The following GTPBP3 variants were observed in gnomAD, a reference collection of about 807,000 sequenced individuals.
GTPBP3 encodes GTP binding protein 3, mitochondrial, also known as 5-taurinomethyluridine-[tRNA] synthase subunit GTPB3, mitochondrial.
A neutral mutation model predicts 42.0 loss-of-function variants in GTPBP3; 35 were observed. The ratio of observed to expected loss-of-function variants is 0.83; its 90% CI spans 0.64 to 1.10. The LOEUF (loss-of-function observed/expected upper bound fraction) is 1.10, where lower values mean the gene tolerates loss of function less well. Among genes scored for constraint, GTPBP3 ranks in the 50% least tolerant of loss-of-function variants. GTPBP3 has a pLI of 0.00. For missense variants in GTPBP3, 691 were observed against 685.2 expected (o/e 1.01, Z -0.09); for synonymous variants, 332 against 314.9 (o/e 1.05, Z -0.58).
At position 17,341,838 on chromosome 19, in the gene GTPBP3, T is replaced by C; in HGVS notation, c.*135T>C. ...TTCTCAAATAGTGAAGCAACACAGC[T>C]GAGAGGTAGTGAGATCCCTGCAGGG... On this transcript the variant is annotated 3_prime_UTR_variant, in exon 9 of 9. Transcript: ENST00000324894. The C allele has an allele frequency of 1.4e-6, 1 of 720,650 alleles. No homozygotes were observed. The highest frequency in any genetic ancestry group is 2.8e-5 in the East Asian group (1 of 35,530). 44.6% of individuals were successfully genotyped at this position (720,650 alleles called of 1,614,324 possible). A position where few individuals can be genotyped will look rare whatever the true frequency, so the allele number is the denominator to read the frequency against.
At chr19:17,337,302 C>G (rs915653661), upstream of GTPBP3, 1 of 328,298 alleles carries the variant, frequency 3.0e-6, no homozygotes, top group Non-Finnish European at 5.4e-6. Flanking sequence ...AAACTCTGTC[C>G]TTTCTTCCAT....
rs757658311 is a variant in GTPBP3 at position 17,339,030 on chromosome 19, G to T, written c.664+4G>T. 2 of 1,614,114 alleles carry T rather than the reference G, an allele frequency of 1.2e-6. No homozygotes were observed. Among genetic ancestry groups the T allele is most frequent in the African/African-American group, 1.3e-5 (1 of 75,044 alleles). ...GAGGAGGGGGTCCTGGAGCAAGGTGGGTCTACCTGGTGGTGGGGGAGGAAG... is the reference window on the plus strand; with the variant it reads ...GAGGAGGGGGTCCTGGAGCAAGGTGTGTCTACCTGGTGGTGGGGGAGGAAG... On this transcript the variant is annotated splice_donor_region_variant and intron_variant, in intron 5 of 8. Transcript: ENST00000324894.
upstream of GTPBP3, chr19:17,335,083 C>A (rs772150639): frequency 3.5e-5 from 54 of 1,536,022 alleles, no homozygotes; most frequent in Admixed American, 2.4e-4. Context: ...CATCTGCAAA[C>A]TCCGGACCCT....
intron 2 of GTPBP3, 48 bp from the exon 3 acceptor site, chr19:17,338,317 G>T (rs755340692): frequency 5.0e-6 from 8 of 1,610,718 alleles, no homozygotes; most frequent in Non-Finnish European, 5.9e-6. Context: ...CCCTTCCAAG[G>T]GTTTGCACTG....
chr19:17,337,745 A>G, intron 1 of GTPBP3, 81 bp downstream of exon 1: 1 of 1,386,922 alleles, frequency 7.2e-7, no homozygotes, highest in South Asian at 1.6e-5. Context: ...TAGGGGCCCA[A>G]TTCCCTGCGG....
chr19:17,338,107 C>A lies in GTPBP3; in HGVS notation c.153C>A (p.Ile51=). The A allele has an allele frequency of 6.3e-7, 1 of 1,593,784 alleles. No homozygotes were observed. Among genetic ancestry groups the A allele is most frequent in the Non-Finnish European group, 8.5e-7 (1 of 1,177,636 alleles). The change falls in exon 2 of 9, where the codon ATC becomes ATA. Residue 51 remains isoleucine (I), a synonymous_variant. Coordinates refer to ENST00000324894, the MANE Select transcript of GTPBP3 (RefSeq NM_032620.4). Reference sequence around the variant, plus strand: ...AAGGCCGCTGCGGCATCGCAGTGATCCGGACCAGCGGCCCCGCCAGCGGCC... The same window carrying A: ...AAGGCCGCTGCGGCATCGCAGTGATACGGACCAGCGGCCCCGCCAGCGGCC... ...SGQGRCGIAV[I]RTSGPASGHA...
rs1864112 is a variant in GTPBP3 at position 17,338,152 on chromosome 19, A to C, written c.198A>C (p.Thr66=). Reference sequence around the variant, plus strand: ...GCGGCCACGCCCTCCGAATTCTCACAGCACCCCGAGACCTGCCCCTTGCTC... The same window carrying C: ...GCGGCCACGCCCTCCGAATTCTCACCGCACCCCGAGACCTGCCCCTTGCTC... ...PASGHALRIL[T]APRDLPLARH... The change falls in exon 2 of 9, where the codon ACA becomes ACC. Residue 66 remains threonine (T), a synonymous_variant. Transcript: ENST00000324894. 0.7 allele frequency: 1,112,854 copies of C among 1,593,894 alleles called. 397,087 individuals carry two copies. Among genetic ancestry groups the C allele is most frequent in the African/African-American group, 0.86 (64,259 of 74,680 alleles).
Position 17,341,133 on chromosome 19 carries a change from C to A in GTPBP3, c.1064C>A (p.Ala355Asp), listed in dbSNP as rs1171428485. ...SSCNFLATVVASVGAQSPSDS... is the reference protein window; with the variant it reads ...SSCNFLATVVDSVGAQSPSDS... ...TGCAACTTCCTGGCCACCGTCGTAG[C>A]CTCTGTGGGAGCCCAGAGCCCCAGT... Residue 355 changes from alanine to aspartate, a missense_variant, in exon 8 of 9, where the codon GCC becomes GAC. Physicochemically the swap from Ala to Asp is moderately radical, Grantham distance 126. Coordinates refer to ENST00000324894, the MANE Select transcript of GTPBP3 (RefSeq NM_032620.4). The A allele has an allele frequency of 2.5e-6, 4 of 1,613,682 alleles. No individual in the cohort carries two copies. Among genetic ancestry groups the A allele is most frequent in the South Asian group, 2.2e-5 (2 of 91,092 alleles).
rs1270045960 is a variant in GTPBP3 at position 17,339,486 on chromosome 19, GC to G, written c.862del (p.Leu288TrpfsTer14). 2 of 1,613,868 alleles carry G rather than the reference GC, an allele frequency of 1.2e-6. No homozygotes were observed. Among genetic ancestry groups the G allele is most frequent in the Non-Finnish European group, 1.7e-6 (2 of 1,179,992 alleles). On this transcript the variant is annotated frameshift_variant, in exon 7 of 9. Transcript: ENST00000324894. LOFTEE classifies it high-confidence loss of function. ...CGGAGCCAGGGACCACCCGTGACGT[GC>G]TGGAGACCCCAGTCGACCTGGCCGG... ...SPEPGTTRDV[L>X]ETPVDLAGFP...
rs759530754 is a variant in GTPBP3, at chr19:17,341,200, C to T, written c.1131C>T (p.Asp377=). 30 of 1,610,596 alleles carry T rather than the reference C, an allele frequency of 1.9e-5. No individual in the cohort carries two copies. Among genetic ancestry groups the T allele is most frequent in the Non-Finnish European group, 2.5e-5 (29 of 1,179,976 alleles). ...TCCTCCTGGTGCTGAACAAGTCGGA[C>T]CTGCTGTCCCCGGAGGGCCCAGGTC... ...QRLLLVLNKS[D]LLSPEGPGPG... is the part of the protein sequence containing the mutation. The change falls in exon 8 of 9, where the codon GAC becomes GAT. Residue 377 remains aspartate (D), a synonymous_variant. Transcript: ENST00000324894.
At chr19:17,341,441 A>C (rs1387568952) in intron 8 of GTPBP3, 37 bp from the exon 9 acceptor site, 2 of 1,581,214 alleles carry the variant, frequency 1.3e-6, no homozygotes, top group Non-Finnish European at 1.7e-6. Context: ...GATGGTTGTA[A>C]AAGGTCGGGA....
rs748863231 is a variant in GTPBP3 at position 17,337,677 on chromosome 19, G to C, written c.53+13G>C. On this transcript the variant is annotated intron_variant, in intron 1 of 8. Coordinates refer to ENST00000324894, the MANE Select transcript of GTPBP3 (RefSeq NM_032620.4). ...GTGGGCCTCGCAGGTGGGGCTACAG[G>C]GGAAGGGGTGCGACAGCTTGGGGTG... 3 of 1,358,446 alleles carry C rather than the reference G, an allele frequency of 2.2e-6. No homozygotes were observed. The highest frequency in any genetic ancestry group is 1.5e-5 in the African/African-American group (1 of 65,168). The allele number at this position is 1,358,446 out of a possible 1,614,324, so 84.1% of individuals were successfully genotyped here.
At chr19:17,335,926 T>G (rs138894466), upstream of GTPBP3, among the ~76,000 whole-genome samples, 131 of 151,250 alleles carry the variant, frequency 8.7e-4, no homozygotes, top group African/African-American at 3.0e-3. Flanking sequence ...TTTGTTCCTA[T>G]TTTACAACTT....
Position 17,341,594 on chromosome 19 carries a change from C to A in GTPBP3, c.1370C>A (p.Ala457Glu). ...AAGCAGTCAAAAGACCTGGCCCTGGCGGCAGAGGCGCTGCGGGTGGCCCGG... is the reference window on the plus strand; with the variant it reads ...AAGCAGTCAAAAGACCTGGCCCTGGAGGCAGAGGCGCTGCGGGTGGCCCGG... ...HYKQSKDLALAAEALRVARGH... is the reference protein window; with the variant it reads ...HYKQSKDLALEAEALRVARGH... Residue 457 changes from alanine (A) to glutamate (E), a missense_variant, in exon 9 of 9, where the codon GCG (alanine) becomes GAG (glutamate). Coordinates refer to ENST00000324894, the MANE Select transcript of GTPBP3 (RefSeq NM_032620.4). The A allele has an allele frequency of 6.2e-7, 1 of 1,613,888 alleles. No individual in the cohort carries two copies. Among genetic ancestry groups the A allele is most frequent in the Non-Finnish European group, 8.5e-7 (1 of 1,179,954 alleles).
rs2074437620 is a variant in GTPBP3, at chr19:17,342,041, G to A, written c.*338G>A. On this transcript the variant is annotated 3_prime_UTR_variant, in exon 9 of 9. Transcript: ENST00000324894. ...AAAAAAACTCAGGTGATCTAGAAGT[G>A]TTTATTTTCTTCCCTTCCCTTCCCT... 4.3e-6 allele frequency: 1 copy of A among 229,990 alleles called. No homozygotes were observed. Among genetic ancestry groups the A allele is most frequent in the South Asian group, 1.8e-4 (1 of 5,608 alleles). 14.2% of individuals were successfully genotyped at this position (229,990 alleles called of 1,614,324 possible). A position where few individuals can be genotyped will look rare whatever the true frequency, so the allele number is the denominator to read the frequency against.
chr19:17,335,178 G>T, upstream of GTPBP3: 4 of 1,533,774 alleles, frequency 2.6e-6, no homozygotes, highest in Non-Finnish European at 3.5e-6. Context: ...AAGATTCCTG[G>T]TGACAATAAC....
chr19:17,338,981 G>T lies in GTPBP3; in HGVS notation c.619G>T (p.Asp207Tyr), dbSNP rs752215746. ...TCTGGCCCACGTGGAGGCCTATATCGATTTCGGCGAGGATGACAACCTGGA... is the reference window on the plus strand; with the variant it reads ...TCTGGCCCACGTGGAGGCCTATATCTATTTCGGCGAGGATGACAACCTGGA... Reference protein sequence around the residue: ...KALAHVEAYIDFGEDDNLEEG... With the variant: ...KALAHVEAYIYFGEDDNLEEG... The change falls in exon 5 of 9, where the codon GAT becomes TAT. Residue 207 changes from aspartate (D) to tyrosine (Y), a missense_variant. Asp to Tyr is a radical substitution (Grantham distance 160). Transcript: ENST00000324894. 2 of 1,611,840 alleles carry T rather than the reference G, an allele frequency of 1.2e-6. No homozygotes were observed. The highest frequency in any genetic ancestry group is 1.7e-6 in the Non-Finnish European group (2 of 1,178,676).
At chr19:17,338,504 G>A in intron 3 of GTPBP3, 35 bp from the exon 4 acceptor site, 1 of 1,612,814 alleles carries the variant, frequency 6.2e-7, no homozygotes, top group Non-Finnish European at 8.5e-7. Flanking sequence ...GCCTGGGTGG[G>A]GACCAGGGGG....
intron 1 of GTPBP3, 102 bp from the exon 2 acceptor site, chr19:17,337,906 A>C (rs1599557135): frequency 2.3e-6 from 3 of 1,327,602 alleles, no homozygotes; most frequent in Non-Finnish European, 3.1e-6. Flanking sequence ...CAGCCGCAGA[A>C]CCCCCCCACC....
Sources: gnomAD v4.1 joint callset for allele counts (sites outside exome capture counted in the v4.1 genomes callset) on GRCh38, gnomAD v4.1.1 for gene constraint, MANE v1.5 for transcripts, NCBI Gene and HGNC (gene_info 2026-07-23, HGNC 2026-07-21) for gene names.